TAF2: variants seen among roughly 807,000 people sequenced by gnomAD.
TAF2 encodes transcription initiation factor TFIID subunit 2.
TAF2 carries 61 observed loss-of-function variants against 138.5 expected under a neutral mutation model. The observed-to-expected ratio is 0.44, with a 90% CI of 0.36 to 0.54. The LOEUF (loss-of-function observed/expected upper bound fraction) is 0.54. Ranked by LOEUF, TAF2 falls within the 20% of genes least tolerant of loss-of-function variation. The probability of loss-of-function intolerance (pLI) is 0.00; values close to 1 mark genes in which losing one functional copy is unlikely to be tolerated. For synonymous variants in TAF2, 475 were observed against 469.9 expected, an observed-to-expected ratio of 1.01 and a Z score of -0.14; for missense variants, 1,090 against 1,427.9, an observed-to-expected ratio of 0.76 and a Z score of 3.81.
At chr8:119,756,960 C>T (rs533417150) in intron 21 of TAF2, among the ~76,000 whole-genome samples, 4 of 152,154 alleles carry the variant, frequency 2.6e-5, no homozygotes, top group Non-Finnish European at 5.9e-5. Flanking sequence ...CTAAGAGTAA[C>T]TGCAATGCTT....
chr8:119,755,507 A>T (rs1320509346), intron 22 of TAF2, among the ~76,000 whole-genome samples: 1 of 152,224 alleles, frequency 6.6e-6, no homozygotes, highest in East Asian at 1.9e-4. Flanking sequence ...AAATAAAAAT[A>T]AATTAAAAAA....
chr8:119,754,183 G>A lies in TAF2; in HGVS notation c.2878+1823C>T, dbSNP rs551960599. Among the ~76,000 whole-genome samples the A allele has an allele frequency of 9.4e-4, 143 of 151,742 alleles. 1 individual carries two copies. The highest frequency in any genetic ancestry group is 3.1e-3 in the African/African-American group (127 of 41,336). On this transcript the variant is annotated intron_variant, in intron 22 of 25. Coordinates refer to ENST00000378164, the MANE Select transcript of TAF2 (RefSeq NM_003184.4). Reference sequence around the variant, plus strand: ...AATACCTACTATGGTGCCTTTACTCGGTGGTATTGCACTGTTATTATGAAA... The same window carrying A: ...AATACCTACTATGGTGCCTTTACTCAGTGGTATTGCACTGTTATTATGAAA...
At position 119,788,445 on chromosome 8, in the gene TAF2, T is replaced by G. The variant is rs1471430483; in HGVS notation, c.1686A>C (p.Gly562=). The change falls in exon 14 of 26, where the codon GGA becomes GGC. Residue 562 remains glycine, a splice_region_variant and synonymous_variant. Transcript: ENST00000378164. ...YTSPGTQKYV[G]PLKVTVQELD... The stretch of plus-strand genomic sequence containing the variant: ...ACTCCTGCACTGTCACTTTAAGTGG[T>G]CCCTTTTAAAAAAAAAACGTACTGT... The G allele has an allele frequency of 6.2e-7, 1 of 1,609,554 alleles. No individual in the cohort carries two copies. The highest frequency in any genetic ancestry group is 8.5e-7 in the Non-Finnish European group (1 of 1,178,000).
intron 12 of TAF2, 104 bp downstream of exon 12, chr8:119,789,488 C>G: frequency 2.2e-6 from 3 of 1,347,010 alleles, no homozygotes; most frequent in Non-Finnish European, 3.2e-6. Context: ...ATAAACAGTT[C>G]ATACTTCCTT....
At chr8:119,826,823 C>A (rs1204373050) in intron 2 of TAF2, among the ~76,000 whole-genome samples, 1 of 152,122 alleles carries the variant, frequency 6.6e-6, no homozygotes, top group East Asian at 1.9e-4. Flanking sequence ...AAACTCCTGA[C>A]CTTACACCAG....
Position 119,789,658 on chromosome 8 carries a change from G to C in TAF2, c.1502C>G (p.Ser501Cys). The C allele has an allele frequency of 6.2e-7, 1 of 1,613,816 alleles. No individual in the cohort carries two copies. The highest frequency in any genetic ancestry group is 1.3e-5 in the African/African-American group (1 of 75,008). Reference protein sequence around the residue: ...HMWSQMLVSTSGFLKSISNVS... With the variant: ...HMWSQMLVSTCGFLKSISNVS... ...ATTTGAAATGGATTTCAAAAACCCA[G>C]ATGTGGAAACCAACATCTGACTCCA... Residue 501 changes from serine to cysteine, a missense_variant, in exon 12 of 26, where the codon TCT (serine) becomes TGT (cysteine). Ser to Cys is a moderately radical substitution (Grantham distance 112, BLOSUM62 -1). This residue lies in a region of TAF2 where 504 missense variants were observed against 680.9 expected (regional missense o/e 0.74). Transcript: ENST00000378164.
chr8:119,764,116 AG>A (rs1821263460), intron 18 of TAF2, among the ~76,000 whole-genome samples: 1 of 152,132 alleles, frequency 6.6e-6, no homozygotes, highest in South Asian at 2.1e-4. Context: ...ACTGCACTCC[AG>A]CCTGGGTGAG....
chr8:119,755,929 C>A, intron 22 of TAF2, 77 bp downstream of exon 22: 1 of 1,159,944 alleles, frequency 8.6e-7, no homozygotes, highest in Non-Finnish European at 1.3e-6. Context: ...GTTCTAAATG[C>A]TATTGAATTG....
At chr8:119,739,029 T>A (rs1303565163) in intron 25 of TAF2, among the ~76,000 whole-genome samples, 51 of 131,166 alleles carry the variant, frequency 3.9e-4, no homozygotes, top group South Asian at 2.0e-3. Context: ...TTTTTTTTTT[T>A]AAATTAAAAA....
At chr8:119,746,272 C>G (rs1819958909) in intron 23 of TAF2, among the ~76,000 whole-genome samples, 1 of 143,812 alleles carries the variant, frequency 7.0e-6, no homozygotes, top group Non-Finnish European at 1.5e-5. Context: ...ACTCAGGAGG[C>G]TAAGGCAGGA....
At chr8:119,773,845 T>C (rs1481092420) in intron 18 of TAF2, among the ~76,000 whole-genome samples, 1 of 151,630 alleles carries the variant, frequency 6.6e-6, no homozygotes, top group East Asian at 1.9e-4. Context: ...AGCAGGTTAA[T>C]TAACCTAATG....
At chr8:119,801,710 G>C in intron 6 of TAF2, 84 bp downstream of exon 6, 2 of 1,356,864 alleles carry the variant, frequency 1.5e-6, no homozygotes, top group Non-Finnish European at 2.1e-6. Context: ...TTACAGGCAT[G>C]AGCCACCGTG....
At chr8:119,778,186 A>C (rs1822391868) in intron 17 of TAF2, 57 bp from the exon 18 acceptor site, 1 of 1,024,956 alleles carries the variant, frequency 9.8e-7, no homozygotes, top group African/African-American at 1.6e-5. Flanking sequence ...TTGTTACTAC[A>C]ATTCATTGAA....
chr8:119,777,570 C>T (rs773197653), intron 18 of TAF2, among the ~76,000 whole-genome samples: 1 of 147,354 alleles, frequency 6.8e-6, no homozygotes, highest in Non-Finnish European at 1.5e-5. Flanking sequence ...TTGCTATTTG[C>T]TAAATAAATG....
chr8:119,769,347 T>C (rs1054484826), intron 18 of TAF2, among the ~76,000 whole-genome samples: 3 of 151,800 alleles, frequency 2.0e-5, no homozygotes, highest in African/African-American at 7.3e-5. Flanking sequence ...AATTCAAAAA[T>C]CAGAAGTGAC....
intron 23 of TAF2, chr8:119,745,102 C>G: frequency 2.2e-6 from 1 of 449,460 alleles, no homozygotes; most frequent in Non-Finnish European, 4.5e-6. Flanking sequence ...TAGCTGAAAA[C>G]TAATAGCTAT....
At position 119,744,415 on chromosome 8, in the gene TAF2, CAG is replaced by C. The variant is rs762886831; in HGVS notation, c.3109-24_3109-23del. 4.5e-5 allele frequency: 71 copies of C among 1,595,274 alleles called. 1 individual carries two copies. In the South Asian group the frequency reaches 5.7e-4, roughly 13 times the overall value. On this transcript the variant is annotated intron_variant, in intron 23 of 25. Transcript: ENST00000378164. ...AAAACTAAAACACACACACATAAAACAGAGGATAAAAGAACCATTACATCATG... is the reference window on the plus strand; with the variant it reads ...AAAACTAAAACACACACACATAAAACAGGATAAAAGAACCATTACATCATG...
At chr8:119,803,802 C>T (rs1440042211) in intron 5 of TAF2, 76 bp downstream of exon 5, 4 of 1,360,922 alleles carry the variant, frequency 2.9e-6, no homozygotes, top group East Asian at 2.4e-5. Context: ...TTGTTTTACA[C>T]CAAATGTATG....
At chr8:119,792,308 C>T (rs1313487619) in intron 10 of TAF2, among the ~76,000 whole-genome samples, 9 of 151,972 alleles carry the variant, frequency 5.9e-5, no homozygotes, top group Non-Finnish European at 2.9e-5. Context: ...CCCACCACCA[C>T]GCCTGGCTAA....
Sources: allele counts gnomAD v4.1 joint callset (sites outside exome capture counted in the v4.1 genomes callset), GRCh38; gene constraint gnomAD v4.1.1; regional missense constraint gnomAD v4.1.1; transcripts MANE v1.5; gene names NCBI Gene and HGNC (gene_info 2026-07-23, HGNC 2026-07-21).